SAMD5: variants seen among roughly 807,000 people sequenced by gnomAD.
SAMD5 encodes sterile alpha motif domain-containing protein 5.
A neutral mutation model predicts 11.3 loss-of-function variants in SAMD5; 13 were observed. The observed-to-expected ratio is 1.15, with a 90% confidence interval of 0.75 to 1.83. The LOEUF is 1.83. SAMD5 is among the 40% of genes most tolerant of loss of function. The pLI, the probability that SAMD5 is intolerant of heterozygous loss-of-function variation, is 0.00. For missense variants in SAMD5, 255 were observed against 239.1 expected (o/e 1.07, Z -0.44); for synonymous variants, 129 against 111.3 (o/e 1.16, Z -1.00).
rs55906300 is a variant in SAMD5 at position 147,656,899 on chromosome 6, C to CGTGTGTGTGTGTGTGTGT, written c.163-80401_163-80384dup. ...GATAAACCTCCAACAATACAGTATACGTGTGTGTGTGTGTGTGTGTGTGTG... is the reference window on the plus strand; with the variant it reads ...GATAAACCTCCAACAATACAGTATACGTGTGTGTGTGTGTGTGTGTGTGTGTGTGTGTGTGTGTGTGTG... On this transcript the variant is annotated intron_variant, in intron 1 of 1. Coordinates refer to the SAMD5 transcript ENST00000566741. Among the ~76,000 whole-genome samples the CGTGTGTGTGTGTGTGTGT allele has an allele frequency of 2.3e-4, 35 of 149,174 alleles. 1 individual carries two copies. The Middle Eastern group carries it at 0.014, about 58-fold the overall frequency.
chr6:147,613,933 T>G (rs1789827276), intron 1 of SAMD5, among the ~76,000 whole-genome samples: 1 of 151,866 alleles, frequency 6.6e-6, no homozygotes, highest in Non-Finnish European at 1.5e-5. Flanking sequence ...TTCTGGTGAG[T>G]GCTCTATAGA....
the SAMD5 span, among the ~76,000 whole-genome samples, chr6:147,867,581 C>G: frequency 6.6e-6 from 1 of 152,312 alleles, no homozygotes; most frequent in Non-Finnish European, 1.5e-5. Context: ...CCTCTCCCAA[C>G]CACTTTATAT....
At chr6:147,937,213 C>T in the SAMD5 span, among the ~76,000 whole-genome samples, 1 of 152,134 alleles carries the variant, frequency 6.6e-6, no homozygotes, top group African/African-American at 2.4e-5. Flanking sequence ...CTTTAAAAAG[C>T]CTCTAGGTTC....
intron 1 of SAMD5, among the ~76,000 whole-genome samples, chr6:147,645,424 C>T (rs556178005): frequency 2.6e-4 from 39 of 152,184 alleles, no homozygotes; most frequent in African/African-American, 9.1e-4. Flanking sequence ...GCAAAAAGAA[C>T]ATTGACCCTT....
intron 1 of SAMD5, among the ~76,000 whole-genome samples, chr6:147,515,431 A>ACCATCCATCCATCCAT (rs58973849): frequency 6.7e-6 from 1 of 148,644 alleles, no homozygotes; most frequent in South Asian, 2.2e-4. Flanking sequence ...CTTCCATCCA[A>ACCATCCATCCATCCAT]CCATCCATCC....
chr6:147,813,393 T>C, the SAMD5 span, among the ~76,000 whole-genome samples: 9 of 152,250 alleles, frequency 5.9e-5, no homozygotes, highest in Non-Finnish European at 2.9e-5. Flanking sequence ...ATTTTATGAC[T>C]ACCAAGTTGG....
intron 1 of SAMD5, among the ~76,000 whole-genome samples, chr6:147,543,706 A>G (rs370011898): frequency 5.3e-5 from 8 of 152,348 alleles, no homozygotes; most frequent in East Asian, 3.9e-4. Flanking sequence ...TATTAAATGC[A>G]TAAGTTAAGT....
At chr6:147,718,924 C>A (rs758073176) in intron 1 of SAMD5, among the ~76,000 whole-genome samples, 2 of 152,162 alleles carry the variant, frequency 1.3e-5, no homozygotes, top group Non-Finnish European at 2.9e-5. Context: ...CTCCTGACCT[C>A]TGGTGATCCG....
the SAMD5 span, among the ~76,000 whole-genome samples, chr6:147,850,296 A>C: frequency 2.6e-5 from 4 of 152,202 alleles, no homozygotes; most frequent in Non-Finnish European, 5.9e-5. Flanking sequence ...TAGTTTAAAA[A>C]AAACACTATG....
chr6:147,790,792 C>CTCTG, the SAMD5 span, among the ~76,000 whole-genome samples: 1 of 97,730 alleles, frequency 1.0e-5, no homozygotes, highest in Non-Finnish European at 2.1e-5. Flanking sequence ...CTCTCTCTCT[C>CTCTG]TCTCTCTCTC....
At chr6:147,905,080 G>T in the SAMD5 span, among the ~76,000 whole-genome samples, 2 of 152,034 alleles carry the variant, frequency 1.3e-5, no homozygotes, top group Non-Finnish European at 2.9e-5. Flanking sequence ...TCGAGACGGG[G>T]TTTCTCCACA....
At chr6:147,532,765 C>G (rs1444692004) in intron 1 of SAMD5, among the ~76,000 whole-genome samples, 1 of 152,042 alleles carries the variant, frequency 6.6e-6, no homozygotes, top group Non-Finnish European at 1.5e-5. Context: ...TCAAAGTGTT[C>G]CCTTTTCACC....
chr6:147,642,695 C>A (rs1790331130), intron 1 of SAMD5, among the ~76,000 whole-genome samples: 1 of 152,128 alleles, frequency 6.6e-6, no homozygotes, highest in Non-Finnish European at 1.5e-5. Flanking sequence ...AGCATATAAA[C>A]TGACTTTTTG....
intron 1 of SAMD5, among the ~76,000 whole-genome samples, chr6:147,670,060 GA>G (rs1361963187): frequency 6.6e-6 from 1 of 152,186 alleles, no homozygotes; most frequent in Non-Finnish European, 1.5e-5. Context: ...TGGGCTGCAG[GA>G]AGGATGTTAT....
At chr6:147,657,274 A>G (rs1790584960) in intron 1 of SAMD5, among the ~76,000 whole-genome samples, 1 of 152,168 alleles carries the variant, frequency 6.6e-6, no homozygotes, top group Non-Finnish European at 1.5e-5. Flanking sequence ...TAAAACTTGG[A>G]ATATTAATTG....
intron 1 of SAMD5, among the ~76,000 whole-genome samples, chr6:147,647,788 T>A (rs1272015809): frequency 6.6e-6 from 1 of 152,128 alleles, no homozygotes; most frequent in Non-Finnish European, 1.5e-5. Context: ...CAAGAGGAAA[T>A]TTAGGCAACT....
intron 1 of SAMD5, among the ~76,000 whole-genome samples, chr6:147,611,495 G>A (rs58051106): frequency 0.018 from 2,783 of 151,334 alleles, 83 homozygotes; most frequent in African/African-American, 0.064. Flanking sequence ...CCCAGGATGC[G>A]GAGGTTGCAG....
chr6:147,660,707 C>G (rs1198593657), intron 1 of SAMD5: 2 of 152,342 alleles, frequency 1.3e-5, no homozygotes, highest in Admixed American at 1.3e-4. Flanking sequence ...GCCCTTCTCT[C>G]TTTTCCTCCT....
chr6:147,620,640 A>T (rs1242127480), intron 1 of SAMD5, among the ~76,000 whole-genome samples: 1 of 152,196 alleles, frequency 6.6e-6, no homozygotes, highest in Admixed American at 6.5e-5. Flanking sequence ...TTCGTGAAGG[A>T]TACTGTGTTC....
Sources: gnomAD v4.1 joint callset for allele counts (sites outside exome capture counted in the v4.1 genomes callset) on GRCh38, gnomAD v4.1.1 for gene constraint, MANE v1.5 for transcripts, NCBI Gene and HGNC (gene_info 2026-07-23, HGNC 2026-07-21) for gene names.